The following ANK3 variants were observed in gnomAD, a reference collection of about 807,000 sequenced individuals.
ANK3 encodes ankyrin 3, also known as ankyrin-3.
ANK3 carries 57 observed loss-of-function variants against 370.9 expected under a neutral mutation model. The ratio of observed to expected loss-of-function variants is 0.15; its 90% CI spans 0.12 to 0.19. The LOEUF (loss-of-function observed/expected upper bound fraction) is 0.19, where lower values mean the gene tolerates loss of function less well. Among genes scored for constraint, ANK3 ranks in the 10% least tolerant of loss-of-function variants. The pLI, the probability that ANK3 is intolerant of heterozygous loss-of-function variation, is 1.00. For synonymous variants in ANK3, 1,929 were observed against 1,946.3 expected (o/e 0.99, Z 0.23); for missense variants, 4,439 against 5,302.1 (o/e 0.84, Z 5.06).
intron 1 of ANK3, among the ~76,000 whole-genome samples, chr10:60,281,141 C>T (rs1047095602): frequency 1.3e-5 from 2 of 152,186 alleles, no homozygotes; most frequent in African/African-American, 2.4e-5. Context: ...AGTCAACTTG[C>T]TCAGAACCTC....
At chr10:60,684,051 C>T (rs374239654) in intron 1 of ANK3, among the ~76,000 whole-genome samples, 2 of 151,924 alleles carry the variant, frequency 1.3e-5, no homozygotes, top group South Asian at 4.2e-4. Flanking sequence ...TCAATGTGAA[C>T]CAAAAGAATT....
intron 16 of ANK3, among the ~76,000 whole-genome samples, chr10:60,188,743 G>A (rs940885939): frequency 6.6e-6 from 1 of 152,174 alleles, no homozygotes; most frequent in African/African-American, 2.4e-5. Flanking sequence ...AACTGGATGA[G>A]CCAGGGTAAA....
In ANK3 at chr10:60,580,426, A is replaced by G. The variant is rs1179104311; in HGVS notation, c.96+34760T>C. ...TACTGTCTTTAGCTAACTCAAACCT[A>G]CCACTGCTATTATAAACATATTCAA... On this transcript the variant is annotated intron_variant, in intron 2 of 43. Transcript: ENST00000373827. Among the ~76,000 whole-genome samples the G allele has an allele frequency of 2.6e-5, 4 of 152,206 alleles. No homozygotes were observed. The East Asian group carries it at 5.8e-4, about 22-fold the overall frequency.
Position 60,203,045 on chromosome 10 carries a change from G to A in ANK3, c.1349C>T (p.Ser450Leu). 1 of 1,613,336 alleles carries A rather than the reference G, an allele frequency of 6.2e-7. No homozygotes were observed. The highest frequency in any genetic ancestry group is 8.5e-7 in the Non-Finnish European group (1 of 1,179,548). ...AAFMGHVNIV[S>L]QLMHHGASPN... is the part of the protein sequence containing the mutation. ...TGAGGCTCCATGATGCATTAGTTGT[G>A]ATACAATATTTACATGCCCCATGAA... The change falls in exon 12 of 44, where the codon TCA (serine) becomes TTA (leucine). Residue 450 changes from serine to leucine, a missense_variant. Physicochemically the swap from Ser to Leu is moderately radical, Grantham distance 145. Coordinates refer to ENST00000280772, the MANE Select transcript of ANK3 (RefSeq NM_020987.5).
chr10:60,308,695 C>T (rs2045721088), intron 1 of ANK3, among the ~76,000 whole-genome samples: 1 of 152,056 alleles, frequency 6.6e-6, no homozygotes. Context: ...CTCTCCCATC[C>T]CTCAGGTCCT....
intron 1 of ANK3, among the ~76,000 whole-genome samples, chr10:60,705,675 C>A (rs931831995): frequency 6.6e-6 from 1 of 152,070 alleles, no homozygotes; most frequent in African/African-American, 2.4e-5. Flanking sequence ...ACTAAAACCC[C>A]CCTTCAAGCA....
At chr10:60,122,995 G>T (rs1488575301) in intron 25 of ANK3, among the ~76,000 whole-genome samples, 1 of 152,134 alleles carries the variant, frequency 6.6e-6, no homozygotes, top group East Asian at 1.9e-4. Flanking sequence ...CAATGGTAAG[G>T]ACTGACCTAG....
intron 7 of ANK3, among the ~76,000 whole-genome samples, chr10:60,243,626 A>G (rs2097507300): frequency 6.8e-6 from 1 of 146,724 alleles, no homozygotes; most frequent in Non-Finnish European, 1.5e-5. Flanking sequence ...AGGATAAATG[A>G]GTTAGTAAGT....
At chr10:60,087,259 G>C (rs2086958466) in intron 29 of ANK3, among the ~76,000 whole-genome samples, 1 of 152,130 alleles carries the variant, frequency 6.6e-6, no homozygotes, top group African/African-American at 2.4e-5. Context: ...CCTCCTAAAG[G>C]CAACTCATAC....
chr10:60,439,506 C>CA lies in ANK3; in HGVS notation c.97-159868dup, dbSNP rs112702811. Among the ~76,000 whole-genome samples the CA allele has an allele frequency of 4.1e-3, 618 of 149,754 alleles. 4 individuals are homozygous for CA. The highest frequency in any genetic ancestry group is 0.01 in the African/African-American group (422 of 40,680). ...TGAGCCCTCATTTCTATGAAAACAACAAAAAAAAATAATTTAAAAAAAAAC... is the reference window on the plus strand; with the variant it reads ...TGAGCCCTCATTTCTATGAAAACAACAAAAAAAAAATAATTTAAAAAAAAAC... On this transcript the variant is annotated intron_variant, in intron 2 of 43. Coordinates refer to the ANK3 transcript ENST00000373827.
At chr10:60,150,265 C>T (rs1052479522) in intron 23 of ANK3, among the ~76,000 whole-genome samples, 1 of 152,118 alleles carries the variant, frequency 6.6e-6, no homozygotes. Flanking sequence ...CTGAGCTCTT[C>T]TGTGGGGGCC....
intron 2 of ANK3, among the ~76,000 whole-genome samples, chr10:60,514,503 GT>G (rs1465589821): frequency 3.9e-5 from 6 of 152,060 alleles, no homozygotes; most frequent in Admixed American, 1.3e-4. Flanking sequence ...TCAGCTTTCT[GT>G]TCTTTACATT....
At chr10:60,694,606 G>A (rs1204110850) in intron 1 of ANK3, among the ~76,000 whole-genome samples, 4 of 152,134 alleles carry the variant, frequency 2.6e-5, no homozygotes, top group African/African-American at 7.2e-5. Context: ...CATTCTTAAA[G>A]AAAAGAATTT....
chr10:60,200,399 C>T, intron 12 of ANK3, 172 bp from the exon 13 acceptor site: 1 of 658,674 alleles, frequency 1.5e-6, no homozygotes, highest in Non-Finnish European at 2.7e-6. Flanking sequence ...GAACCTGGTC[C>T]ATGAGGCAAA....
At chr10:60,167,108 C>A (rs10509125) in intron 21 of ANK3, among the ~76,000 whole-genome samples, 85,791 of 152,006 alleles carry the variant, frequency 0.56, 24,444 homozygotes, top group Middle Eastern at 0.62. Flanking sequence ...TGAAAGAATT[C>A]TAGTGGCAAA....
At chr10:60,107,065 T>A (rs1028927081) in intron 27 of ANK3, among the ~76,000 whole-genome samples, 1 of 152,146 alleles carries the variant, frequency 6.6e-6, no homozygotes, top group Non-Finnish European at 1.5e-5. Context: ...TCAAATAATA[T>A]AAATAAAAAC....
intron 43 of ANK3, among the ~76,000 whole-genome samples, chr10:60,036,790 C>T (rs2075102179): frequency 6.6e-6 from 1 of 151,876 alleles, no homozygotes; most frequent in African/African-American, 2.4e-5. Context: ...ACTTTTGAGC[C>T]CCTTCTTGGC....
intron 1 of ANK3, among the ~76,000 whole-genome samples, chr10:60,670,992 T>C (rs7081321): frequency 0.011 from 1,666 of 152,312 alleles, 26 homozygotes; most frequent in African/African-American, 0.038. Flanking sequence ...TGAAAAGTCA[T>C]TGAAGCCAAA....
intron 1 of ANK3, among the ~76,000 whole-genome samples, chr10:60,339,573 C>T (rs1416752899): frequency 6.6e-6 from 1 of 152,138 alleles, no homozygotes; most frequent in African/African-American, 2.4e-5. Flanking sequence ...TCACTTGAGG[C>T]CATTTGAGGC....
Sources: allele counts gnomAD v4.1 joint callset (sites outside exome capture counted in the v4.1 genomes callset), GRCh38; gene constraint gnomAD v4.1.1; transcripts MANE v1.5; gene names NCBI Gene and HGNC (gene_info 2026-07-23, HGNC 2026-07-21).